TRPM7: variants seen among roughly 807,000 people sequenced by gnomAD.
The protein encoded by TRPM7 is LTRPC ion channel family member 7.
TRPM7 carries 134 observed loss-of-function variants against 229.7 expected under a neutral mutation model. The ratio of observed to expected loss-of-function variants is 0.58; its 90% CI spans 0.51 to 0.67. The LOEUF is 0.67. Ranked by LOEUF, TRPM7 falls within the 30% of genes least tolerant of loss-of-function variation. The pLI, the probability that TRPM7 is intolerant of heterozygous loss-of-function variation, is 0.00. For synonymous variants in TRPM7, 699 were observed against 715.2 expected (o/e 0.98, Z 0.36); for missense variants, 1,901 against 2,210.0 (o/e 0.86, Z 2.80).
intron 28 of TRPM7, among the ~76,000 whole-genome samples, chr15:50,585,569 T>C (rs2059320826): frequency 6.6e-6 from 1 of 152,218 alleles, no homozygotes; most frequent in African/African-American, 2.4e-5. Flanking sequence ...GATGATCTCA[T>C]GATTTTTCTC....
At chr15:50,631,668 CTT>C (rs1437529579) in intron 9 of TRPM7, among the ~76,000 whole-genome samples, 179 bp from the exon 10 acceptor site, 1 of 151,818 alleles carries the variant, frequency 6.6e-6, no homozygotes. Flanking sequence ...TAGTTAGTAA[CTT>C]TATTTCAACC....
rs2062142528 is a variant in TRPM7, at chr15:50,678,241, AAAAAAAAAAAC to A, written c.3+8279_3+8289del. Among the ~76,000 whole-genome samples the A allele has an allele frequency of 1.4e-5, 2 of 145,336 alleles. 1 individual carries two copies. Among genetic ancestry groups the A allele is most frequent in the African/African-American group, 5.1e-5 (2 of 39,296 alleles). ...GGCAACAGAGTGAGACTCTCTCTCA[AAAAAAAAAAAC>A]AAAAACAAAAACAAAAACAAAAACA... On this transcript the variant is annotated intron_variant, in intron 1 of 38. Coordinates refer to ENST00000646667, the MANE Select transcript of TRPM7 (RefSeq NM_017672.6).
At chr15:50,593,802 T>C (rs1187938783) in intron 24 of TRPM7, 53 bp from the exon 25 acceptor site, 9 of 1,537,314 alleles carry the variant, frequency 5.9e-6, no homozygotes, top group Non-Finnish European at 7.9e-6. Context: ...AGGTTTCAAC[T>C]TTAGCTCATA....
At chr15:50,683,548 A>T (rs2062289907) in intron 1 of TRPM7, among the ~76,000 whole-genome samples, 1 of 152,168 alleles carries the variant, frequency 6.6e-6, no homozygotes, top group South Asian at 2.1e-4. Flanking sequence ...CAGCCTGGCC[A>T]ACATGGCAAA....
rs972576771 is a variant in TRPM7 at position 50,581,026 on chromosome 15, A to G, written c.4558-118T>C. 4.0e-5 allele frequency: 33 copies of G among 834,762 alleles called. No homozygotes were observed. In the African/African-American group the frequency reaches 5.7e-4, roughly 14 times the overall value. The allele number at this position is 834,762 out of a possible 1,614,324, so 51.7% of individuals were successfully genotyped here. Reference sequence around the variant, plus strand: ...AAGAATGAAAGGCCAAAAAACTAACATACAGTTCTTGTTTCATAAAACAAT... The same window carrying G: ...AAGAATGAAAGGCCAAAAAACTAACGTACAGTTCTTGTTTCATAAAACAAT... On this transcript the variant is annotated intron_variant, in intron 29 of 38. Coordinates refer to ENST00000646667, the MANE Select transcript of TRPM7 (RefSeq NM_017672.6).
At chr15:50,584,934 C>T (rs544081707) in intron 28 of TRPM7, among the ~76,000 whole-genome samples, 10 of 151,990 alleles carry the variant, frequency 6.6e-5, no homozygotes, top group Non-Finnish European at 1.0e-4. Flanking sequence ...GGAGTGCAGT[C>T]GCGCTATCTT....
chr15:50,569,879 T>G lies in TRPM7; in HGVS notation c.5467+8A>C. 1 of 1,590,560 alleles carries G rather than the reference T, an allele frequency of 6.3e-7. No individual in the cohort carries two copies. Among genetic ancestry groups the G allele is most frequent in the Non-Finnish European group, 8.6e-7 (1 of 1,167,418 alleles). ...TTTATATACTATACTGATTAAGAAATTTTTTACCTGGAAGTTTAAGCTTTC... is the reference window on the plus strand; with the variant it reads ...TTTATATACTATACTGATTAAGAAAGTTTTTACCTGGAAGTTTAAGCTTTC... On this transcript the variant is annotated splice_region_variant and intron_variant, in intron 38 of 38. Coordinates refer to ENST00000646667, the MANE Select transcript of TRPM7 (RefSeq NM_017672.6).
At chr15:50,599,492 A>T (rs1049015328) in intron 21 of TRPM7, 196 bp from the exon 22 acceptor site, 1 of 389,020 alleles carries the variant, frequency 2.6e-6, no homozygotes, top group Non-Finnish European at 4.5e-6. Flanking sequence ...GAGATTACGT[A>T]AAAAAAAATC....
chr15:50,573,596 GGTA>G (rs1414997584), intron 36 of TRPM7, among the ~76,000 whole-genome samples: 1 of 152,094 alleles, frequency 6.6e-6, no homozygotes, highest in Non-Finnish European at 1.5e-5. Context: ...TAAATTTTTA[GGTA>G]GTTTAGTTCA....
At position 50,677,208 on chromosome 15, in the gene TRPM7, G is replaced by A. The variant is rs143857474; in HGVS notation, c.3+9323C>T. Among the ~76,000 whole-genome samples the A allele has an allele frequency of 6.7e-3, 1,018 of 152,204 alleles. 16 individuals carry two copies. The highest frequency in any genetic ancestry group is 0.024 in the African/African-American group (977 of 41,554). On this transcript the variant is annotated intron_variant, in intron 1 of 38. Coordinates refer to ENST00000646667, the MANE Select transcript of TRPM7 (RefSeq NM_017672.6). ...CACTGTGTCTTCACACAGTGAAGAG[G>A]GAGTGAATAAGCTCTCTGGTATCTC...
rs564114032 is a variant in TRPM7, at chr15:50,592,707, TAA to T, written c.3609-83_3609-82del. On this transcript the variant is annotated intron_variant, in intron 25 of 38. Transcript: ENST00000646667. ...ATTTTGTAGCCTCAAATAATAATGA[TAA>T]AAAGAGAAAAATTTCACATGCATTT... The T allele has an allele frequency of 1.3e-4, 127 of 1,012,276 alleles. No homozygotes were observed. In the South Asian group the frequency reaches 1.7e-3, roughly 14 times the overall value. The allele number at this position is 1,012,276 out of a possible 1,614,324, so 62.7% of individuals were successfully genotyped here. A position where few individuals can be genotyped will look rare whatever the true frequency, so the allele number is the denominator to read the frequency against.
chr15:50,686,307 T>G (rs2062359180), intron 1 of TRPM7, among the ~76,000 whole-genome samples: 1 of 152,102 alleles, frequency 6.6e-6, no homozygotes, highest in Non-Finnish European at 1.5e-5. Flanking sequence ...GCTCAGGGGA[T>G]TCCCGCGAAG....
At chr15:50,659,263 T>C (rs2061669383) in intron 2 of TRPM7, among the ~76,000 whole-genome samples, 1 of 151,756 alleles carries the variant, frequency 6.6e-6, no homozygotes, top group Non-Finnish European at 1.5e-5. Flanking sequence ...GGCTACACTA[T>C]ATATTTTAAA....
intron 12 of TRPM7, among the ~76,000 whole-genome samples, chr15:50,621,955 G>A (rs1310073390): frequency 6.6e-6 from 1 of 152,022 alleles, no homozygotes; most frequent in Non-Finnish European, 1.5e-5. Flanking sequence ...GCTTGAACCT[G>A]GGAGGTGGAG....
chr15:50,590,163 T>C (rs749636203), intron 26 of TRPM7, among the ~76,000 whole-genome samples: 45 of 152,118 alleles, frequency 3.0e-4, no homozygotes, highest in Non-Finnish European at 6.3e-4. Context: ...GCCAAGATTA[T>C]AGTTAAGTTT....
At position 50,632,999 on chromosome 15, in the gene TRPM7, T is replaced by TA; in HGVS notation, c.1008-8dup. On this transcript the variant is annotated splice_polypyrimidine_tract_variant and splice_region_variant and intron_variant, in intron 8 of 38. Transcript: ENST00000646667. ...TGCTGCATCAGGAAGATTCCTGGAA[T>TA]AAAAGGAAACATAATTCACTGATTT... is the stretch of plus-strand genomic sequence containing the variant. The TA allele has an allele frequency of 2.5e-6, 4 of 1,578,378 alleles. No individual in the cohort carries two copies. The highest frequency in any genetic ancestry group is 3.4e-6 in the Non-Finnish European group (4 of 1,169,858).
At chr15:50,611,349 CT>C in intron 16 of TRPM7, 28 bp from the exon 17 acceptor site, 6 of 1,568,322 alleles carry the variant, frequency 3.8e-6, no homozygotes, top group Non-Finnish European at 5.2e-6. Context: ...CCAAAATATA[CT>C]CAGATTAACA....
At chr15:50,623,118 A>G (rs1255383260) in intron 12 of TRPM7, among the ~76,000 whole-genome samples, 1 of 152,084 alleles carries the variant, frequency 6.6e-6, no homozygotes, top group Non-Finnish European at 1.5e-5. Flanking sequence ...TTTTTTAAAA[A>G]AGTTTGCATT....
chr15:50,582,280 T>A (rs1238786404), intron 29 of TRPM7, among the ~76,000 whole-genome samples: 1 of 152,248 alleles, frequency 6.6e-6, no homozygotes, highest in East Asian at 1.9e-4. Flanking sequence ...TTTTTTTTAT[T>A]TCTAGTTTTT....
Sources: allele counts gnomAD v4.1 joint callset (sites outside exome capture counted in the v4.1 genomes callset), GRCh38; gene constraint gnomAD v4.1.1; transcripts MANE v1.5; gene names NCBI Gene and HGNC (gene_info 2026-07-23, HGNC 2026-07-21).